Variants in SLC2A7 observed in about 807,000 individuals in gnomAD.
SLC2A7 encodes the protein solute carrier family 2, facilitated glucose transporter member 7.
SLC2A7 carries 50 observed loss-of-function variants against 50.5 expected under a neutral mutation model. The ratio of observed to expected loss-of-function variants is 0.99; its 90% CI spans 0.79 to 1.25. The LOEUF (loss-of-function observed/expected upper bound fraction) is 1.25. SLC2A7 is among the 50% of genes most tolerant of loss of function. The pLI is 0.00. For missense variants in SLC2A7, 683 were observed against 679.1 expected (o/e 1.01, Z -0.06); for synonymous variants, 308 against 300.4 (o/e 1.03, Z -0.26).
intron 2 of SLC2A7, among the ~76,000 whole-genome samples, chr1:9,024,207 G>A (rs1640960950): frequency 6.6e-6 from 1 of 152,090 alleles, no homozygotes; most frequent in Admixed American, 6.5e-5. Flanking sequence ...GCAAGTTACA[G>A]AACCTCCAGA....
chr1:9,010,946 T>C (rs773416406), intron 8 of SLC2A7, among the ~76,000 whole-genome samples: 2 of 152,186 alleles, frequency 1.3e-5, no homozygotes, highest in East Asian at 3.9e-4. Flanking sequence ...AGTGAGTGCC[T>C]CTTTCATCTG....
intron 5 of SLC2A7, 39 bp downstream of exon 5, chr1:9,018,184 G>A (rs1167765035): frequency 6.2e-7 from 1 of 1,611,274 alleles, no homozygotes; most frequent in Admixed American, 1.7e-5. Flanking sequence ...AGCCGAACGA[G>A]AGACTGGACC....
chr1:9,015,147 G>A lies in SLC2A7; in HGVS notation c.685C>T (p.Gln229Ter), dbSNP rs1373827023. 6.2e-7 allele frequency: 1 copy of A among 1,613,410 alleles called. No individual in the cohort carries two copies. Among genetic ancestry groups the A allele is most frequent in the Admixed American group, 1.7e-5 (1 of 59,906 alleles). ...CGCGCTGTGGCTTCATCTCCTTTCTGAATCAGGGAGTAGCGGGGGCTTTCG... is the reference window on the plus strand; with the variant it reads ...CGCGCTGTGGCTTCATCTCCTTTCTAAATCAGGGAGTAGCGGGGGCTTTCG... ...FPESPRYSLIQKGDEATARQA... is the reference protein window; with the variant it reads ...FPESPRYSLI The change falls in exon 6 of 12, where the codon CAG (glutamine) becomes TAG (stop). Residue 229 changes from glutamine to a stop codon, truncating the protein, a stop_gained. Coordinates refer to ENST00000400906, the MANE Select transcript of SLC2A7 (RefSeq NM_207420.3). LOFTEE classifies it high-confidence loss of function.
intron 5 of SLC2A7, 88 bp downstream of exon 5, chr1:9,018,135 G>C: frequency 6.4e-7 from 1 of 1,551,862 alleles, no homozygotes. Context: ...ATCATCTCTC[G>C]GGTCTCATCT....
intron 9 of SLC2A7, 53 bp downstream of exon 9, chr1:9,010,090 C>A: frequency 2.7e-6 from 4 of 1,495,128 alleles, no homozygotes; most frequent in South Asian, 1.2e-5. Context: ...AGTCAGGGGA[C>A]CTCCCACCCT....
At chr1:9,001,530 T>C (rs544153748), downstream of SLC2A7, among the ~76,000 whole-genome samples, 1 of 151,546 alleles carries the variant, frequency 6.6e-6, no homozygotes, top group Admixed American at 6.6e-5. Context: ...GCAATTCTCC[T>C]GCCTCAGCCT....
intron 10 of SLC2A7, among the ~76,000 whole-genome samples, 199 bp from the exon 11 acceptor site, chr1:9,005,078 G>T (rs1044588761): frequency 5.9e-5 from 9 of 152,218 alleles, no homozygotes; most frequent in African/African-American, 2.2e-4. Flanking sequence ...ACTTTGCAAA[G>T]TCTGGTTGGA....
chr1:9,025,650 A>C (rs1640987759), intron 1 of SLC2A7, among the ~76,000 whole-genome samples: 1 of 152,160 alleles, frequency 6.6e-6, no homozygotes, highest in Non-Finnish European at 1.5e-5. Context: ...AGAGGGACTC[A>C]TTGCTTGCCT....
At chr1:9,024,643 A>T (rs1640967394) in intron 2 of SLC2A7, among the ~76,000 whole-genome samples, 1 of 151,820 alleles carries the variant, frequency 6.6e-6, no homozygotes, top group Admixed American at 6.6e-5. Flanking sequence ...TCAATCTTTG[A>T]CCCCATTCTC....
intron 4 of SLC2A7, 141 bp from the exon 5 acceptor site, chr1:9,018,516 G>A (rs1296098622): frequency 5.7e-6 from 7 of 1,228,044 alleles, no homozygotes; most frequent in Non-Finnish European, 7.9e-6. Context: ...AACCTCGACT[G>A]TTTAGTTTGG....
At chr1:9,020,673 C>CTTTTTT (rs201609038) in intron 3 of SLC2A7, among the ~76,000 whole-genome samples, 2 of 138,346 alleles carry the variant, frequency 1.4e-5, no homozygotes, top group Non-Finnish European at 1.5e-5. Context: ...CTGATATTCT[C>CTTTTTT]TCTTTTTTTT....
intron 2 of SLC2A7, 61 bp downstream of exon 2, chr1:9,024,915 C>A: frequency 6.3e-7 from 1 of 1,578,530 alleles, no homozygotes; most frequent in South Asian, 1.1e-5. Flanking sequence ...TGGCGGCTAC[C>A]TTCCACCCAC....
In SLC2A7 at chr1:9,003,179, G is replaced by A. The variant is rs11810507; in HGVS notation, c.*121C>T. 0.18 allele frequency: 142,550 copies of A among 795,234 alleles called. 14,485 individuals carry two copies. Among genetic ancestry groups the A allele is most frequent in the African/African-American group, 0.37 (21,274 of 56,964 alleles). The allele number at this position is 795,234 out of a possible 1,614,324, so 49.3% of individuals were successfully genotyped here. A position where few individuals can be genotyped will look rare whatever the true frequency, so the allele number is the denominator to read the frequency against. On this transcript the variant is annotated 3_prime_UTR_variant, in exon 12 of 12. Coordinates refer to ENST00000400906, the MANE Select transcript of SLC2A7 (RefSeq NM_207420.3). Reference sequence around the variant, plus strand: ...GGTATTTAATAATATCCATAATTAAGTTAAATGGGGGCAACGACAAAAGCC... The same window carrying A: ...GGTATTTAATAATATCCATAATTAAATTAAATGGGGGCAACGACAAAAGCC...
At chr1:9,013,772 GAA>G in intron 7 of SLC2A7, 137 bp from the exon 8 acceptor site, 1 of 676,476 alleles carries the variant, frequency 1.5e-6, no homozygotes. Context: ...CAGGTGGTGG[GAA>G]AAAGAGGCCT....
chr1:9,023,192 A>G (rs1316993308), intron 2 of SLC2A7, 114 bp from the exon 3 acceptor site: 11 of 1,102,530 alleles, frequency 1.0e-5, no homozygotes, highest in East Asian at 7.4e-5. Context: ...GCTAACACCT[A>G]TAAGACACAG....
chr1:9,024,846 G>C, intron 2 of SLC2A7, 130 bp downstream of exon 2: 1 of 981,170 alleles, frequency 1.0e-6, no homozygotes, highest in Non-Finnish European at 1.5e-6. Context: ...CAAGCTGGCT[G>C]CTCCCAAAGG....
rs558202602 is a variant in SLC2A7, at chr1:9,008,986, G to A, written c.1116+1157C>T. On this transcript the variant is annotated intron_variant, in intron 9 of 11. Transcript: ENST00000400906. This position sits in a 1 kb window ranked among gnomAD's most constrained non-coding sequence, Gnocchi z 5.9. The stretch of plus-strand genomic sequence containing the variant: ...ATGAGCATCACTAACACTGTTCGTC[G>A]CCAGGCCTTGCTTTCCCCGCAGGCC... 1.1e-4 allele frequency among the ~76,000 whole-genome samples: 16 copies of A among 152,142 alleles called. No homozygotes were observed. Among genetic ancestry groups the A allele is most frequent in the South Asian group, 2.1e-4 (1 of 4,822 alleles).
Position 9,007,309 on chromosome 1 carries a change from C to T in SLC2A7, c.1192+1G>A, listed in dbSNP as rs146740185. 10 of 1,614,208 alleles carry T rather than the reference C, an allele frequency of 6.2e-6. No individual in the cohort carries two copies. The African/African-American group carries it at 1.3e-4, about 22-fold the overall frequency. ...GGCGAGGGAGGCGTGCAGGTACTCA[C>T]TGGGCCCAATGGAATGTCCCGCGAT... On this transcript the variant is annotated splice_donor_variant, in intron 10 of 11. Coordinates refer to ENST00000400906, the MANE Select transcript of SLC2A7 (RefSeq NM_207420.3). LOFTEE classifies it high-confidence loss of function.
downstream of SLC2A7, among the ~76,000 whole-genome samples, chr1:8,998,789 C>T (rs1014870889): frequency 1.3e-5 from 2 of 152,082 alleles, no homozygotes; most frequent in African/African-American, 4.8e-5. Flanking sequence ...GAGATAAACC[C>T]TACTTGGTTA....
Sources: allele counts gnomAD v4.1 joint callset (sites outside exome capture counted in the v4.1 genomes callset), GRCh38; gene constraint gnomAD v4.1.1; non-coding constraint Gnocchi (gnomAD v3.1); transcripts MANE v1.5; gene names NCBI Gene and HGNC (gene_info 2026-07-23, HGNC 2026-07-21).